The following BRWD1 variants were observed in gnomAD, a reference collection of about 807,000 sequenced individuals.
BRWD1 encodes the protein bromodomain and WD repeat-containing protein 1.
A neutral mutation model predicts 251.2 loss-of-function variants in BRWD1; 82 were observed. The ratio of observed to expected loss-of-function variants is 0.33; its 90% CI spans 0.27 to 0.39. The LOEUF (loss-of-function observed/expected upper bound fraction) is 0.39. Among genes scored for constraint, BRWD1 ranks in the 10% least tolerant of loss-of-function variants. The pLI is 1.00. For synonymous variants in BRWD1, 918 were observed against 902.8 expected, an observed-to-expected ratio of 1.02 and a Z score of -0.30; for missense variants, 2,233 against 2,711.6, an observed-to-expected ratio of 0.82 and a Z score of 3.92.
At chr21:39,272,808 C>T (rs1601433139) in intron 13 of BRWD1, among the ~76,000 whole-genome samples, 1 of 152,002 alleles carries the variant, frequency 6.6e-6, no homozygotes, top group Non-Finnish European at 1.5e-5. Flanking sequence ...GGCAGGGTTT[C>T]ACCATGTTGG....
intron 5 of BRWD1, 41 bp downstream of exon 5, chr21:39,298,391 G>A (rs770371266): frequency 5.3e-6 from 8 of 1,498,262 alleles, no homozygotes; most frequent in Admixed American, 4.9e-5. Context: ...TAATTATTAG[G>A]CTATTAATAC....
At chr21:39,223,355 T>C (rs2033256146) in intron 29 of BRWD1, among the ~76,000 whole-genome samples, 1 of 152,032 alleles carries the variant, frequency 6.6e-6, no homozygotes, top group Non-Finnish European at 1.5e-5. Flanking sequence ...AATATCAAAA[T>C]GCAGATATTC....
Position 39,194,402 on chromosome 21 carries a change from T to C in BRWD1, c.*1857A>G, listed in dbSNP as rs1601228288. 11 of 1,152,922 alleles carry C rather than the reference T, an allele frequency of 9.5e-6. No individual in the cohort carries two copies. The East Asian group carries it at 5.1e-4, about 54-fold the overall frequency. 71.4% of individuals were successfully genotyped at this position (1,152,922 alleles called of 1,614,324 possible). ...TCACCAGTTTTTAAAATTAGCAAAG[T>C]AAAAGGCATCCCATTAGTCTTTTCA... On this transcript the variant is annotated 3_prime_UTR_variant, in exon 41 of 41. Coordinates refer to ENST00000342449, the MANE Select transcript of BRWD1 (RefSeq NM_033656.4).
At chr21:39,283,513 T>C (rs1219890120) in intron 8 of BRWD1, among the ~76,000 whole-genome samples, 1 of 152,208 alleles carries the variant, frequency 6.6e-6, no homozygotes, top group East Asian at 1.9e-4. Context: ...CTTCTTCCAT[T>C]GTATTTATTA....
chr21:39,287,405 G>A (rs2035673666), intron 8 of BRWD1, among the ~76,000 whole-genome samples: 1 of 152,106 alleles, frequency 6.6e-6, no homozygotes, highest in East Asian at 1.9e-4. Flanking sequence ...GGAGATTAGC[G>A]CCAAACATTT....
chr21:39,288,836 G>T (rs1368384500), intron 8 of BRWD1, among the ~76,000 whole-genome samples: 1 of 152,162 alleles, frequency 6.6e-6, no homozygotes, highest in Non-Finnish European at 1.5e-5. Flanking sequence ...GGCTGAAGAG[G>T]AGGAGGAGGA....
Position 39,188,309 on chromosome 21 carries a change from T to TAGG in BRWD1, c.*7947_*7949dup. 1 of 985,418 alleles carries TAGG rather than the reference T, an allele frequency of 1.0e-6. No homozygotes were observed. Among genetic ancestry groups the TAGG allele is most frequent in the Middle Eastern group, 5.2e-4 (1 of 1,914 alleles). The allele number at this position is 985,418 out of a possible 1,614,324, so 61.0% of individuals were successfully genotyped here. A position where few individuals can be genotyped will look rare whatever the true frequency, so the allele number is the denominator to read the frequency against. ...CCAATCTTGATGGCAGTTTGTTTTG[T>TAGG]AGGACCCTGCCTGAAGTTTCCAGAC... On this transcript the variant is annotated 3_prime_UTR_variant, in exon 41 of 41. Transcript: ENST00000342449.
At chr21:39,308,864 TAA>T (rs1294655936) in intron 4 of BRWD1, among the ~76,000 whole-genome samples, 1 of 152,188 alleles carries the variant, frequency 6.6e-6, no homozygotes, top group East Asian at 1.9e-4. Context: ...CTATTCAAGA[TAA>T]AAAGAGATTT....
intron 12 of BRWD1, 51 bp from the exon 13 acceptor site, chr21:39,274,523 G>T: frequency 7.3e-7 from 1 of 1,379,274 alleles, no homozygotes; most frequent in Non-Finnish European, 1.0e-6. Context: ...TTTCCAACAA[G>T]GGCTACAATT....
At chr21:39,235,979 C>T in intron 23 of BRWD1, 1 of 213,180 alleles carries the variant, frequency 4.7e-6, no homozygotes, top group Non-Finnish European at 1.0e-5. Flanking sequence ...GGAATTTCTG[C>T]AACCCCAATC....
chr21:39,309,482 AATGCATGT>A (rs1164624388), intron 4 of BRWD1, among the ~76,000 whole-genome samples: 1 of 152,076 alleles, frequency 6.6e-6, no homozygotes, highest in Non-Finnish European at 1.5e-5. Flanking sequence ...TCAATCAGTC[AATGCATGT>A]ATGGACCTTT....
intron 13 of BRWD1, among the ~76,000 whole-genome samples, chr21:39,272,472 A>C (rs1225762652): frequency 6.6e-6 from 1 of 151,490 alleles, no homozygotes; most frequent in East Asian, 1.9e-4. Context: ...GCTTGCAGTG[A>C]GCAGAGATCG....
intron 7 of BRWD1, 106 bp downstream of exon 7, chr21:39,295,637 C>CA (rs1247323965): frequency 2.1e-6 from 2 of 953,290 alleles, no homozygotes; most frequent in African/African-American, 3.3e-5. Context: ...CCTACTGAGT[C>CA]AAAATCTCTG....
Position 39,196,517 on chromosome 21 carries a change from TTTTCC to T in BRWD1, c.6547_6551del (p.Gly2183SerfsTer5), listed in dbSNP as rs761025308. The T allele has an allele frequency of 1.2e-6, 2 of 1,613,674 alleles. No individual in the cohort carries two copies. The highest frequency in any genetic ancestry group is 2.2e-5 in the East Asian group (1 of 44,876). On this transcript the variant is annotated frameshift_variant, in exon 41 of 41. Coordinates refer to ENST00000342449, the MANE Select transcript of BRWD1 (RefSeq NM_033656.4). LOFTEE classifies it high-confidence loss of function. ...TTTTACCTTTTCTAACTACTTTTGCTTTTCCTTTCGTTTTCCTCCTTTTGGTTTTT... is the reference window on the plus strand; with the variant it reads ...TTTTACCTTTTCTAACTACTTTTGCTTTTCGTTTTCCTCCTTTTGGTTTTT...
rs745705814 is a variant in BRWD1 at position 39,288,141 on chromosome 21, A to G, written c.831+5670T>C. ...CTTATTCACATGGCTATAGCAGAAG[A>G]CATCAGTTATTACCATGAAGACCTT... On this transcript the variant is annotated intron_variant, in intron 8 of 40. Transcript: ENST00000342449. Among the ~76,000 whole-genome samples the G allele has an allele frequency of 2.0e-4, 31 of 152,378 alleles. 1 individual carries two copies. Among genetic ancestry groups the G allele is most frequent in the Admixed American group, 1.3e-4 (2 of 15,304 alleles).
chr21:39,210,058 A>T lies in BRWD1; in HGVS notation c.4134T>A (p.Phe1378Leu), dbSNP rs2032587590. The T allele has an allele frequency of 1.2e-6, 2 of 1,613,712 alleles. No individual in the cohort carries two copies. The highest frequency in any genetic ancestry group is 4.5e-5 in the East Asian group (2 of 44,802). The change falls in exon 36 of 41, where the codon TTT becomes TTA. Residue 1378 changes from phenylalanine (F) to leucine (L), a missense_variant. Coordinates refer to ENST00000342449, the MANE Select transcript of BRWD1 (RefSeq NM_033656.4). ...DAGNYDSPLE[F>L]CKDIRLIFSN... is the part of the protein sequence containing the mutation. ...TAAATATCAGCCGGATGTCTTTGCA[A>T]AACTCCAAAGGGCTGTCATAATTTC...
chr21:39,313,624 G>A lies in BRWD1; in HGVS notation c.-133C>T, dbSNP rs1568988175. 1 of 679,130 alleles carries A rather than the reference G, an allele frequency of 1.5e-6. No homozygotes were observed. The highest frequency in any genetic ancestry group is 4.0e-5 in the East Asian group (1 of 25,102). The allele number at this position is 679,130 out of a possible 1,614,324, so 42.1% of individuals were successfully genotyped here. On this transcript the variant is annotated 5_prime_UTR_variant, in exon 1 of 41. Coordinates refer to ENST00000342449, the MANE Select transcript of BRWD1 (RefSeq NM_033656.4). ...CGCCGCCGCCGCCGCCATACCGTGCGCGCCGCCTGGACCGACGCCTCCGCG... is the reference window on the plus strand; with the variant it reads ...CGCCGCCGCCGCCGCCATACCGTGCACGCCGCCTGGACCGACGCCTCCGCG...
rs764984038 is a variant in BRWD1, at chr21:39,250,873, G to A, written c.2272C>T (p.Arg758Ter). The A allele has an allele frequency of 6.3e-7, 1 of 1,593,186 alleles. No individual in the cohort carries two copies. The highest frequency in any genetic ancestry group is 8.5e-7 in the Non-Finnish European group (1 of 1,170,024). Residue 758 changes from arginine to a stop codon, truncating the protein, a stop_gained, in exon 20 of 41, where the codon CGA (arginine) becomes TGA (stop). Transcript: ENST00000342449. LOFTEE classifies it high-confidence loss of function. Reference sequence around the variant, plus strand: ...CTTTCCTCTTCACCTTTCTCTAATCGGAAGTCTTCCAGCTTCCTACAAATT... The same window carrying A: ...CTTTCCTCTTCACCTTTCTCTAATCAGAAGTCTTCCAGCTTCCTACAAATT... ...LGIFRKLEDF[R>*]LEKGEEERNL... is the part of the protein sequence containing the mutation.
At chr21:39,197,950 T>A (rs1385588682) in intron 40 of BRWD1, among the ~76,000 whole-genome samples, 2 of 152,194 alleles carry the variant, frequency 1.3e-5, no homozygotes, top group Non-Finnish European at 2.9e-5. Flanking sequence ...CTCAGCACCA[T>A]TCACAAATTC....
Sources: gnomAD v4.1 joint callset for allele counts (sites outside exome capture counted in the v4.1 genomes callset) on GRCh38, gnomAD v4.1.1 for gene constraint, MANE v1.5 for transcripts, NCBI Gene and HGNC (gene_info 2026-07-23, HGNC 2026-07-21) for gene names.